The following PDSS2 variants were observed in gnomAD, a reference collection of about 807,000 sequenced individuals.
The protein encoded by PDSS2 is decaprenyl diphosphate synthase subunit 2.
A neutral mutation model predicts 44.5 loss-of-function variants in PDSS2; 31 were observed. The ratio of observed to expected loss-of-function variants is 0.70; its 90% CI spans 0.52 to 0.94. The LOEUF (loss-of-function observed/expected upper bound fraction) is 0.94, where lower values mean the gene tolerates loss of function less well. PDSS2 is among the 40% of genes least tolerant of loss of function. PDSS2 has a pLI of 0.00. For synonymous variants in PDSS2, 157 were observed against 180.3 expected (o/e 0.87, Z 1.03); for missense variants, 452 against 482.2 (o/e 0.94, Z 0.59).
chr6:107,262,877 C>G (rs1282807135), intron 3 of PDSS2, among the ~76,000 whole-genome samples: 1 of 152,044 alleles, frequency 6.6e-6, no homozygotes, highest in Non-Finnish European at 1.5e-5. Context: ...GAGTTCAACA[C>G]TGGCCTGGGC....
intron 2 of PDSS2, among the ~76,000 whole-genome samples, chr6:107,293,052 A>C (rs551654882): frequency 1.1e-4 from 17 of 152,328 alleles, no homozygotes; most frequent in South Asian, 1.0e-3. Context: ...GATCAACATT[A>C]AACAGACTTG....
intron 1 of PDSS2, among the ~76,000 whole-genome samples, chr6:107,451,833 C>A (rs539605910): frequency 4.3e-4 from 66 of 152,274 alleles, no homozygotes. Context: ...CTTAACTTGT[C>A]TTTTCTCATT....
intron 1 of PDSS2, among the ~76,000 whole-genome samples, chr6:107,389,645 T>G (rs372532832): frequency 6.6e-6 from 1 of 152,164 alleles, no homozygotes; most frequent in Non-Finnish European, 1.5e-5. Flanking sequence ...GAATTCATGT[T>G]TAACTTAATG....
At chr6:107,273,089 A>C (rs2114938674) in intron 3 of PDSS2, among the ~76,000 whole-genome samples, 1 of 152,142 alleles carries the variant, frequency 6.6e-6, no homozygotes, top group African/African-American at 2.4e-5. Context: ...GGTTCAAGCG[A>C]TTCTCCTGCC....
At chr6:107,185,185 G>A (rs1018212297) in intron 7 of PDSS2, among the ~76,000 whole-genome samples, 30 of 148,366 alleles carry the variant, frequency 2.0e-4, no homozygotes, top group African/African-American at 6.9e-4. Context: ...AAGAAGAGAA[G>A]AAGAAAGACT....
intron 1 of PDSS2, among the ~76,000 whole-genome samples, chr6:107,339,968 G>A (rs1778030161): frequency 6.6e-6 from 1 of 151,758 alleles, no homozygotes; most frequent in Non-Finnish European, 1.5e-5. Context: ...TGTAGAAAAT[G>A]ACTTGTGTAG....
At chr6:107,172,780 T>C (rs9372154) in intron 7 of PDSS2, among the ~76,000 whole-genome samples, 40,594 of 151,102 alleles carry the variant, frequency 0.27, 6,849 homozygotes, top group Non-Finnish European at 0.37. Context: ...TCTTTTTTTT[T>C]TTCTTCTTCT....
chr6:107,375,836 C>G (rs542240323), intron 1 of PDSS2, among the ~76,000 whole-genome samples: 1 of 152,090 alleles, frequency 6.6e-6, no homozygotes, highest in South Asian at 2.1e-4. Flanking sequence ...TACACCATGA[C>G]CAAGTACAGT....
intron 1 of PDSS2, among the ~76,000 whole-genome samples, chr6:107,402,654 T>G (rs1182633235): frequency 1.3e-5 from 2 of 150,266 alleles, no homozygotes; most frequent in African/African-American, 4.9e-5. Flanking sequence ...AGGCATGTCT[T>G]ACATGGCAGC....
At chr6:107,447,483 T>C (rs942244797) in intron 1 of PDSS2, among the ~76,000 whole-genome samples, 1 of 152,116 alleles carries the variant, frequency 6.6e-6, no homozygotes, top group Non-Finnish European at 1.5e-5. Context: ...AAGTCCGGAA[T>C]CCAACAGGGC....
chr6:107,168,756 G>A (rs557415756), intron 7 of PDSS2, among the ~76,000 whole-genome samples: 101 of 152,004 alleles, frequency 6.6e-4, no homozygotes, highest in African/African-American at 2.4e-3. Flanking sequence ...GGCTGGATAT[G>A]AAATTCTGGG....
chr6:107,406,386 A>G (rs769488908), intron 1 of PDSS2, among the ~76,000 whole-genome samples: 1 of 152,200 alleles, frequency 6.6e-6, no homozygotes, highest in Non-Finnish European at 1.5e-5. Context: ...CTGAGTGGTA[A>G]GGAATTAAGT....
intron 1 of PDSS2, among the ~76,000 whole-genome samples, chr6:107,383,467 C>T (rs1779516082): frequency 6.6e-6 from 1 of 151,604 alleles, no homozygotes; most frequent in Admixed American, 6.6e-5. Flanking sequence ...ATAAAGTGGA[C>T]TTCATCAAAA....
intron 2 of PDSS2, among the ~76,000 whole-genome samples, chr6:107,329,472 G>T (rs538465525): frequency 1.3e-5 from 2 of 152,120 alleles, no homozygotes; most frequent in Non-Finnish European, 2.9e-5. Flanking sequence ...AGGCTGGCCT[G>T]TAGATGGCTG....
At chr6:107,305,220 T>G (rs914332917) in intron 2 of PDSS2, among the ~76,000 whole-genome samples, 3 of 152,130 alleles carry the variant, frequency 2.0e-5, no homozygotes, top group African/African-American at 7.2e-5. Context: ...AGAAAATTGC[T>G]AAATATTTCA....
At chr6:107,411,926 C>T (rs369076709) in intron 1 of PDSS2, among the ~76,000 whole-genome samples, 1 of 135,432 alleles carries the variant, frequency 7.4e-6, no homozygotes. Flanking sequence ...GCTCTTGTTG[C>T]CCAAGCTGCA....
chr6:107,252,626 A>G (rs6906563), intron 3 of PDSS2, among the ~76,000 whole-genome samples: 2,390 of 152,340 alleles, frequency 0.016, 53 homozygotes, highest in African/African-American at 0.046. Flanking sequence ...GAACTAAACA[A>G]AAGTATAAAA....
chr6:107,430,762 C>A (rs1781170497), intron 1 of PDSS2, among the ~76,000 whole-genome samples: 3 of 149,380 alleles, frequency 2.0e-5, no homozygotes, highest in Non-Finnish European at 4.5e-5. Flanking sequence ...TGAGCCAAGA[C>A]TGCACCACTG....
chr6:107,316,947 T>C (rs1230629803), intron 2 of PDSS2, among the ~76,000 whole-genome samples: 1 of 152,220 alleles, frequency 6.6e-6, no homozygotes, highest in Non-Finnish European at 1.5e-5. Context: ...AAGGTACAGA[T>C]AATCATAAGA....
Sources: allele counts gnomAD v4.1 joint callset (sites outside exome capture counted in the v4.1 genomes callset), GRCh38; gene constraint gnomAD v4.1.1; transcripts MANE v1.5; gene names NCBI Gene and HGNC (gene_info 2026-07-23, HGNC 2026-07-21).